GRIK4: variants seen among roughly 807,000 people sequenced by gnomAD.
GRIK4 encodes the protein glutamate ionotropic receptor kainate type subunit 4, also known as glutamate receptor ionotropic, kainate 4.
A neutral mutation model predicts 104.9 loss-of-function variants in GRIK4; 40 were observed. The ratio of observed to expected loss-of-function variants is 0.38; its 90% confidence interval spans 0.30 to 0.50. The LOEUF is 0.50. Ranked by LOEUF, GRIK4 falls within the 20% of genes least tolerant of loss-of-function variation. The pLI is 0.93. For missense variants in GRIK4, 1,047 were observed against 1,308.1 expected (o/e 0.80, Z 3.08); for synonymous variants, 485 against 524.9 (o/e 0.92, Z 1.04).
At chr11:120,984,648 A>T (rs1484381084) in intron 20 of GRIK4, among the ~76,000 whole-genome samples, 1 of 151,910 alleles carries the variant, frequency 6.6e-6, no homozygotes, top group Non-Finnish European at 1.5e-5. Flanking sequence ...CGTGCCTGTA[A>T]TCCCAGCTTA....
intron 3 of GRIK4, among the ~76,000 whole-genome samples, chr11:120,743,589 A>T (rs189499085): frequency 7.1e-4 from 108 of 152,278 alleles, no homozygotes; most frequent in South Asian, 1.9e-3. Context: ...AGTTTTTTTT[A>T]AAAAAGAAAA....
At chr11:120,551,593 CA>C (rs1354061551) in intron 1 of GRIK4, among the ~76,000 whole-genome samples, 2 of 152,224 alleles carry the variant, frequency 1.3e-5, no homozygotes, top group Middle Eastern at 3.4e-3. Context: ...CTAGCCTGGC[CA>C]ATGTGGCGAA....
At chr11:120,862,928 C>A (rs1954301222) in intron 9 of GRIK4, among the ~76,000 whole-genome samples, 1 of 152,230 alleles carries the variant, frequency 6.6e-6, no homozygotes, top group Non-Finnish European at 1.5e-5. Flanking sequence ...CTAACTCCAA[C>A]TTCCTGAGGC....
intron 1 of GRIK4, among the ~76,000 whole-genome samples, chr11:120,636,941 G>C (rs936947324): frequency 3.9e-5 from 6 of 152,244 alleles, no homozygotes; most frequent in Non-Finnish European, 8.8e-5. Flanking sequence ...GCCATGGTCA[G>C]AGGTGTCTAT....
In GRIK4 at chr11:120,690,997, C is replaced by T. The variant is rs73584553; in HGVS notation, c.82+30597C>T. Among the ~76,000 whole-genome samples the T allele has an allele frequency of 9.3e-3, 1,418 of 152,168 alleles. 15 individuals carry two copies. Among genetic ancestry groups the T allele is most frequent in the African/African-American group, 0.032 (1,333 of 41,508 alleles). ...TAATTCCTTTAATCATTTTTATTGC[C>T]TTTCTTTGCATTCAGTCTCCCTCCT... is the stretch of plus-strand genomic sequence containing the variant. On this transcript the variant is annotated intron_variant, in intron 3 of 20. Coordinates refer to ENST00000527524, the MANE Select transcript of GRIK4 (RefSeq NM_014619.5).
chr11:120,922,335 G>A (rs1198404892), intron 13 of GRIK4, among the ~76,000 whole-genome samples: 1 of 152,136 alleles, frequency 6.6e-6, no homozygotes, highest in African/African-American at 2.4e-5. Context: ...CCTGACTGCT[G>A]TGCAGAGCTG....
chr11:120,728,782 A>ATTT lies in GRIK4; in HGVS notation c.82+68385_82+68387dup, dbSNP rs1951077353. Reference sequence around the variant, plus strand: ...GCAATCCAATTAAACTCTTTTAGTTATTTTTAAATGTACAATTAAATTATT... The same window carrying ATTT: ...GCAATCCAATTAAACTCTTTTAGTTATTTTTTTTAAATGTACAATTAAATTATT... On this transcript the variant is annotated intron_variant, in intron 3 of 20. Coordinates refer to ENST00000527524, the MANE Select transcript of GRIK4 (RefSeq NM_014619.5). 2.0e-5 allele frequency among the ~76,000 whole-genome samples: 3 copies of ATTT among 152,252 alleles called. No individual in the cohort carries two copies. In the Middle Eastern group the frequency reaches 0.01, roughly 518 times the overall value.
chr11:120,571,321 G>A (rs551013539), intron 1 of GRIK4, among the ~76,000 whole-genome samples: 7 of 152,300 alleles, frequency 4.6e-5, no homozygotes, highest in African/African-American at 1.4e-4. Flanking sequence ...ACTGTCCTCT[G>A]CATGCCGCTG....
chr11:120,960,199 C>A (rs1944258280), intron 16 of GRIK4, among the ~76,000 whole-genome samples: 1 of 152,146 alleles, frequency 6.6e-6, no homozygotes, highest in Non-Finnish European at 1.5e-5. Context: ...CATGGTGGTG[C>A]ATGCCTATAG....
At chr11:120,516,423 C>T (rs966468922) in intron 1 of GRIK4, among the ~76,000 whole-genome samples, 16 of 151,902 alleles carry the variant, frequency 1.1e-4, no homozygotes, top group Non-Finnish European at 2.2e-4. Flanking sequence ...GGGCACAGGA[C>T]GAGGCAAGTG....
chr11:120,981,495 T>C (rs1944651834), intron 19 of GRIK4, among the ~76,000 whole-genome samples: 1 of 152,186 alleles, frequency 6.6e-6, no homozygotes, highest in South Asian at 2.1e-4. Context: ...ATTGAGTAGG[T>C]CTGGGGTAAG....
At chr11:120,717,356 G>A (rs564523795) in intron 3 of GRIK4, among the ~76,000 whole-genome samples, 1 of 152,286 alleles carries the variant, frequency 6.6e-6, no homozygotes, top group Admixed American at 6.5e-5. Context: ...GAGGTGAGAT[G>A]TTACTGCCCC....
intron 1 of GRIK4, among the ~76,000 whole-genome samples, chr11:120,526,702 C>G (rs777168013): frequency 6.6e-6 from 1 of 152,164 alleles, no homozygotes. Flanking sequence ...TGTGGTGGCA[C>G]ATGCCTGTAA....
chr11:120,535,458 C>T (rs1947964994), intron 1 of GRIK4, among the ~76,000 whole-genome samples: 1 of 151,942 alleles, frequency 6.6e-6, no homozygotes. Flanking sequence ...GGCCGGGACC[C>T]CCACCCAGGA....
chr11:120,750,354 T>C (rs1416655820), intron 3 of GRIK4, among the ~76,000 whole-genome samples: 4 of 100,524 alleles, frequency 4.0e-5, no homozygotes. Flanking sequence ...AAATCTCTTT[T>C]TTTTTTTTTT....
rs1195591972 is a variant in GRIK4, at chr11:120,549,978, C to A, written c.-159+38091C>A. On this transcript the variant is annotated intron_variant, in intron 1 of 20. Coordinates refer to ENST00000527524, the MANE Select transcript of GRIK4 (RefSeq NM_014619.5). The surrounding 1 kb of genome is among the most constrained non-coding windows in gnomAD (Gnocchi z 4.7). ...TTTGAGTTGCGTTTTCTGTCACTTGCAAGGGGTTTGGTTCTAAGTGCAATG... is the reference window on the plus strand; with the variant it reads ...TTTGAGTTGCGTTTTCTGTCACTTGAAAGGGGTTTGGTTCTAAGTGCAATG... 6.6e-6 allele frequency among the ~76,000 whole-genome samples: 1 copy of A among 152,112 alleles called. No homozygotes were observed. The highest frequency in any genetic ancestry group is 2.4e-5 in the African/African-American group (1 of 41,404).
intron 3 of GRIK4, among the ~76,000 whole-genome samples, chr11:120,698,951 C>A (rs1467074217): frequency 6.6e-6 from 1 of 152,180 alleles, no homozygotes; most frequent in East Asian, 1.9e-4. Context: ...AGGTAAGTGT[C>A]CTTCATAAAT....
intron 1 of GRIK4, among the ~76,000 whole-genome samples, chr11:120,640,925 C>T (rs574449440): frequency 3.3e-4 from 51 of 152,276 alleles, no homozygotes; most frequent in Admixed American, 5.9e-4. Flanking sequence ...TTTGCCAGAC[C>T]GATCTTGAAC....
intron 13 of GRIK4, among the ~76,000 whole-genome samples, chr11:120,907,821 T>C (rs1942902995): frequency 6.6e-6 from 1 of 151,820 alleles, no homozygotes; most frequent in Admixed American, 6.6e-5. Context: ...TTAGGGAGGA[T>C]GGGTGGGAGT....
Sources: allele counts gnomAD v4.1 joint callset (sites outside exome capture counted in the v4.1 genomes callset), GRCh38; gene constraint gnomAD v4.1.1; non-coding constraint Gnocchi (gnomAD v3.1); transcripts MANE v1.5; gene names NCBI Gene and HGNC (gene_info 2026-07-23, HGNC 2026-07-21).